Variants in WWOX observed in about 807,000 individuals in gnomAD.
The protein encoded by WWOX is WW domain containing oxidoreductase, also known as WW domain-containing oxidoreductase.
A neutral mutation model predicts 46.2 loss-of-function variants in WWOX; 69 were observed. The observed-to-expected ratio is 1.49, with a 90% CI of 1.23 to 1.82. The LOEUF (loss-of-function observed/expected upper bound fraction) is 1.82. Among genes scored for constraint, WWOX ranks in the 40% most tolerant of loss-of-function variants. The probability of loss-of-function intolerance (pLI) is 0.00; values close to 1 mark genes in which losing one functional copy is unlikely to be tolerated. For missense variants in WWOX, 919 were observed against 542.6 expected (o/e 1.69, Z -6.89); for synonymous variants, 359 against 202.6 (o/e 1.77, Z -6.56).
intron 8 of WWOX, among the ~76,000 whole-genome samples, chr16:78,470,649 C>G (rs1332682689): frequency 6.6e-6 from 1 of 152,192 alleles, no homozygotes; most frequent in African/African-American, 2.4e-5. Context: ...CCTGCCTCAG[C>G]CTCCCAAGTA....
intron 8 of WWOX, among the ~76,000 whole-genome samples, chr16:78,968,071 TGTATGGCACAGTGCATGGTCC>T (rs1567445942): frequency 5.3e-5 from 8 of 150,988 alleles, no homozygotes; most frequent in African/African-American, 2.0e-4. Flanking sequence ...GTGTGTGGTC[TGTATGGCACAGTGCATGGTCC>T]GCATGGCACA....
At chr16:78,536,701 G>T (rs887934669) in intron 8 of WWOX, among the ~76,000 whole-genome samples, 3 of 152,056 alleles carry the variant, frequency 2.0e-5, no homozygotes, top group Non-Finnish European at 4.4e-5. Context: ...CTCTGATGCT[G>T]ATCATGACTA....
At chr16:79,210,593 G>A (rs1336629602) in intron 8 of WWOX, among the ~76,000 whole-genome samples, 2 of 152,154 alleles carry the variant, frequency 1.3e-5, no homozygotes, top group East Asian at 1.9e-4. Context: ...CTGAAAATTA[G>A]TGGATGCAGC....
intron 8 of WWOX, among the ~76,000 whole-genome samples, chr16:78,699,240 A>G (rs2048162249): frequency 6.6e-6 from 1 of 152,198 alleles, no homozygotes. Context: ...GTTAAACATT[A>G]CAAGTTCATG....
Position 78,946,907 on chromosome 16 carries a change from T to C in WWOX, c.1057-264701T>C, listed in dbSNP as rs531593689. 5.9e-5 allele frequency among the ~76,000 whole-genome samples: 9 copies of C among 152,220 alleles called. No homozygotes were observed. The East Asian group carries it at 1.7e-3, about 29-fold the overall frequency. On this transcript the variant is annotated intron_variant, in intron 8 of 8. Coordinates refer to ENST00000566780, the MANE Select transcript of WWOX (RefSeq NM_016373.4). Reference sequence around the variant, plus strand: ...CACACGATGACCTTCTCAGAGTCAGTAGGATAGTTTCCCTTCCTGGAAGAT... The same window carrying C: ...CACACGATGACCTTCTCAGAGTCAGCAGGATAGTTTCCCTTCCTGGAAGAT...
chr16:78,968,890 C>G (rs1019322523), intron 8 of WWOX, among the ~76,000 whole-genome samples: 1 of 150,778 alleles, frequency 6.6e-6, no homozygotes, highest in African/African-American at 2.4e-5. Context: ...TCACATAATA[C>G]TTCTTCATGG....
At chr16:78,737,166 C>A (rs534118940) in intron 8 of WWOX, among the ~76,000 whole-genome samples, 2 of 152,030 alleles carry the variant, frequency 1.3e-5, no homozygotes, top group African/African-American at 4.8e-5. Context: ...GTGGTATGAT[C>A]TCGGCTCACT....
intron 8 of WWOX, among the ~76,000 whole-genome samples, chr16:78,470,307 C>T (rs2084190084): frequency 6.6e-6 from 1 of 152,152 alleles, no homozygotes; most frequent in Admixed American, 6.5e-5. Context: ...AACCTTGTGC[C>T]CAGGAAGATG....
At chr16:79,073,451 G>T (rs1235910525) in intron 8 of WWOX, among the ~76,000 whole-genome samples, 1 of 152,002 alleles carries the variant, frequency 6.6e-6, no homozygotes, top group African/African-American at 2.4e-5. Context: ...AAGTGCTGGG[G>T]TTTCAAGCAT....
intron 8 of WWOX, among the ~76,000 whole-genome samples, chr16:78,499,523 A>T (rs949295544): frequency 6.6e-6 from 1 of 152,058 alleles, no homozygotes; most frequent in African/African-American, 2.4e-5. Context: ...ACTGCAGATT[A>T]CTCATCAGCT....
chr16:79,212,309 A>G lies in WWOX; in HGVS notation c.*513A>G, dbSNP rs1222769721. ...AGCCAGCTTAGCAACTGCTGGGGAG[A>G]CAAATCTCAGAACCTTGTCCCAGCC... On this transcript the variant is annotated 3_prime_UTR_variant, in exon 9 of 9. Coordinates refer to ENST00000566780, the MANE Select transcript of WWOX (RefSeq NM_016373.4). 2 of 895,958 alleles carry G rather than the reference A, an allele frequency of 2.2e-6. No individual in the cohort carries two copies. The highest frequency in any genetic ancestry group is 3.3e-6 in the Non-Finnish European group (2 of 614,756). The allele number at this position is 895,958 out of a possible 1,614,324, so 55.5% of individuals were successfully genotyped here.
intron 8 of WWOX, among the ~76,000 whole-genome samples, chr16:78,903,095 A>C (rs897073574): frequency 6.6e-6 from 1 of 152,008 alleles, no homozygotes; most frequent in African/African-American, 2.4e-5. Context: ...GCAAAACTAC[A>C]CTCCATAGAG....
intron 5 of WWOX, among the ~76,000 whole-genome samples, chr16:78,326,740 C>A (rs2080632188): frequency 6.6e-6 from 1 of 151,938 alleles, no homozygotes; most frequent in African/African-American, 2.4e-5. Flanking sequence ...CTGACATGGA[C>A]TTAATTGTTT....
At chr16:78,371,459 A>C (rs1178680876) in intron 5 of WWOX, among the ~76,000 whole-genome samples, 1 of 152,164 alleles carries the variant, frequency 6.6e-6, no homozygotes, top group African/African-American at 2.4e-5. Context: ...AGTGTTCTGT[A>C]GCTCTTTTAG....
At chr16:78,314,988 C>A (rs1201354149) in intron 5 of WWOX, among the ~76,000 whole-genome samples, 1 of 152,146 alleles carries the variant, frequency 6.6e-6, no homozygotes, top group South Asian at 2.1e-4. Flanking sequence ...AGAACTTCTC[C>A]TTCACTCACA....
intron 8 of WWOX, among the ~76,000 whole-genome samples, chr16:79,124,184 G>A (rs147309645): frequency 6.6e-5 from 10 of 152,186 alleles, no homozygotes; most frequent in South Asian, 2.1e-4. Flanking sequence ...AATTCTGCCC[G>A]TTGCTATAGA....
chr16:78,710,496 A>ATATT (rs1383464997), intron 8 of WWOX, among the ~76,000 whole-genome samples: 1 of 134,438 alleles, frequency 7.4e-6, no homozygotes, highest in Non-Finnish European at 1.6e-5. Flanking sequence ...ATATATATAT[A>ATATT]TATTTATATA....
intron 8 of WWOX, among the ~76,000 whole-genome samples, chr16:78,703,427 G>A (rs1357251805): frequency 1.3e-5 from 2 of 150,492 alleles, no homozygotes; most frequent in Non-Finnish European, 2.9e-5. Flanking sequence ...ACCAGTGTGG[G>A]TAACATAGAG....
At chr16:79,146,801 G>T (rs2150725500) in intron 8 of WWOX, among the ~76,000 whole-genome samples, 1 of 152,232 alleles carries the variant, frequency 6.6e-6, no homozygotes, top group Non-Finnish European at 1.5e-5. Flanking sequence ...AGATTTTAGT[G>T]CTAGGATTGG....
Sources: allele counts gnomAD v4.1 joint callset (sites outside exome capture counted in the v4.1 genomes callset), GRCh38; gene constraint gnomAD v4.1.1; transcripts MANE v1.5; gene names NCBI Gene and HGNC (gene_info 2026-07-23, HGNC 2026-07-21).